The following SUPT7L variants were observed in gnomAD, a reference collection of about 807,000 sequenced individuals.
SUPT7L encodes STAGA complex 65 subunit gamma.
SUPT7L carries 15 observed loss-of-function variants against 35.7 expected under a neutral mutation model. That is an observed-to-expected ratio of 0.42 (90% CI 0.28 to 0.65). SUPT7L has a LOEUF of 0.65. Ranked by LOEUF, SUPT7L falls within the 30% of genes least tolerant of loss-of-function variation. The pLI is 0.23. For synonymous variants in SUPT7L, 168 were observed against 186.2 expected, an observed-to-expected ratio of 0.90 and a Z score of 0.79; for missense variants, 434 against 522.2, an observed-to-expected ratio of 0.83 and a Z score of 1.65.
intron 1 of SUPT7L, among the ~76,000 whole-genome samples, chr2:27,662,777 T>A: frequency 6.6e-6 from 1 of 152,110 alleles, no homozygotes; most frequent in East Asian, 1.9e-4. Context: ...AGACTTCACC[T>A]TTTTTGTTTG....
the SUPT7L span, among the ~76,000 whole-genome samples, chr2:27,644,052 T>C: frequency 6.6e-6 from 1 of 152,120 alleles, no homozygotes; most frequent in African/African-American, 2.4e-5. Context: ...TGGTCGTGCA[T>C]GTCTGTAATT....
At chr2:27,644,271 A>C in the SUPT7L span, among the ~76,000 whole-genome samples, 1 of 152,126 alleles carries the variant, frequency 6.6e-6, no homozygotes, top group African/African-American at 2.4e-5. Context: ...GAGACTATAA[A>C]TATCCTTTTA....
intron 3 of SUPT7L, among the ~76,000 whole-genome samples, chr2:27,659,670 A>G (rs1674959968): frequency 6.6e-6 from 1 of 152,240 alleles, no homozygotes; most frequent in Non-Finnish European, 1.5e-5. Flanking sequence ...TATTATGATT[A>G]TGCAGGAAAA....
At chr2:27,648,212 A>T (rs900507061), downstream of SUPT7L, among the ~76,000 whole-genome samples, 1 of 152,066 alleles carries the variant, frequency 6.6e-6, no homozygotes, top group African/African-American at 2.4e-5. Context: ...TGTTGTTATT[A>T]GTATTTTGTT....
At chr2:27,650,255 G>A (rs894969127), downstream of SUPT7L, 19 of 994,086 alleles carry the variant, frequency 1.9e-5, no homozygotes, top group African/African-American at 6.4e-5. Flanking sequence ...GGACCTCCAC[G>A]TGAAAGAACT....
Position 27,663,594 on chromosome 2 carries a change from T to C in SUPT7L, c.-355A>G. 1 of 655,824 alleles carries C rather than the reference T, an allele frequency of 1.5e-6. No homozygotes were observed. Among genetic ancestry groups the C allele is most frequent in the South Asian group, 1.9e-5 (1 of 52,152 alleles). The allele number at this position is 655,824 out of a possible 1,614,324, so 40.6% of individuals were successfully genotyped here. ...AAGGATCGCGTCAGACCCCGAAAGC[T>C]GGTTTGTTGATTAGTGATCTAAGAC... On this transcript the variant is annotated 5_prime_UTR_variant, in exon 1 of 6. Coordinates refer to ENST00000337768, the MANE Select transcript of SUPT7L (RefSeq NM_014860.3).
chr2:27,646,721 TCTC>T (rs539003814), downstream of SUPT7L, among the ~76,000 whole-genome samples: 23 of 152,328 alleles, frequency 1.5e-4, 1 homozygote, highest in South Asian at 4.8e-3. Context: ...TATTTTTTCT[TCTC>T]ATCAGCAACA....
Position 27,652,640 on chromosome 2 carries a change from G to A in SUPT7L, c.*845C>T, listed in dbSNP as rs1558496789. The A allele has an allele frequency of 6.5e-6, 1 of 152,940 alleles. No homozygotes were observed. The highest frequency in any genetic ancestry group is 1.9e-4 in the East Asian group (1 of 5,328). 9.5% of individuals were successfully genotyped at this position (152,940 alleles called of 1,614,324 possible). ...CTGCCTTTACAGTAGAAGCAGCAAA[G>A]TGTGCTTAATGGACTGCTGTCCTCT... On this transcript the variant is annotated 3_prime_UTR_variant, in exon 6 of 6. Transcript: ENST00000337768.
intron 4 of SUPT7L, 103 bp from the exon 5 acceptor site, chr2:27,655,705 AATTTTAAAAC>A: frequency 9.7e-7 from 1 of 1,025,746 alleles, no homozygotes; most frequent in East Asian, 2.4e-5. Context: ...TGAATAACAG[AATTTTAAAAC>A]ATTCACTGCC....
chr2:27,656,251 TA>T (rs1286964715), intron 4 of SUPT7L, among the ~76,000 whole-genome samples: 1 of 152,162 alleles, frequency 6.6e-6, no homozygotes, highest in Non-Finnish European at 1.5e-5. Flanking sequence ...TCTTGGGTGT[TA>T]AAAATTCCTA....
rs1248605574 is a variant in SUPT7L at position 27,657,737 on chromosome 2, G to C, written c.420-68C>G. 1 of 1,440,976 alleles carries C rather than the reference G, an allele frequency of 6.9e-7. No homozygotes were observed. Among genetic ancestry groups the C allele is most frequent in the East Asian group, 2.4e-5 (1 of 41,376 alleles). 89.3% of individuals were successfully genotyped at this position (1,440,976 alleles called of 1,614,324 possible). A position where few individuals can be genotyped will look rare whatever the true frequency, so the allele number is the denominator to read the frequency against. On this transcript the variant is annotated intron_variant, in intron 3 of 5. Coordinates refer to ENST00000337768, the MANE Select transcript of SUPT7L (RefSeq NM_014860.3). The surrounding 1 kb of genome is among the most constrained non-coding windows in gnomAD (Gnocchi z 5.2). Reference sequence around the variant, plus strand: ...GGGGTGACCCCTCCTGTCTTCCCCAGGAGTTTTACAATTCCAGTCAAGCCA... The same window carrying C: ...GGGGTGACCCCTCCTGTCTTCCCCACGAGTTTTACAATTCCAGTCAAGCCA...
the SUPT7L span, among the ~76,000 whole-genome samples, chr2:27,645,350 T>G: frequency 2.0e-5 from 3 of 152,224 alleles, no homozygotes; most frequent in Non-Finnish European, 4.4e-5. Context: ...TTTAATTATG[T>G]AATTATGTTT....
downstream of SUPT7L, chr2:27,647,816 G>C: frequency 7.0e-7 from 1 of 1,423,162 alleles, no homozygotes; most frequent in Non-Finnish European, 9.9e-7. Flanking sequence ...GCATATCACT[G>C]ATAGGTGTTT....
chr2:27,650,025 A>G (rs1031462284), downstream of SUPT7L: 3 of 754,032 alleles, frequency 4.0e-6, no homozygotes, highest in Non-Finnish European at 7.2e-6. Flanking sequence ...TCTTAGAAGT[A>G]ATGTACTGTT....
Position 27,657,337 on chromosome 2 carries a change from C to T in SUPT7L, c.744+8G>A, listed in dbSNP as rs758460809. 77 of 1,610,454 alleles carry T rather than the reference C, an allele frequency of 4.8e-5. No homozygotes were observed. In the East Asian group the frequency reaches 1.4e-3, roughly 29 times the overall value. On this transcript the variant is annotated splice_region_variant and intron_variant, in intron 4 of 5. Transcript: ENST00000337768. The surrounding 1 kb of genome is among the most constrained non-coding windows in gnomAD (Gnocchi z 5.2). ...ATCTGTGCCCACTTTTCAACAGGGT[C>T]GCCTCACCTGTAGCATGTAACTGTG...
Position 27,653,470 on chromosome 2 carries a change from C to A in SUPT7L, c.*15G>T. 1 of 1,609,766 alleles carries A rather than the reference C, an allele frequency of 6.2e-7. No individual in the cohort carries two copies. Among genetic ancestry groups the A allele is most frequent in the South Asian group, 1.1e-5 (1 of 90,986 alleles). On this transcript the variant is annotated 3_prime_UTR_variant, in exon 6 of 6. Coordinates refer to ENST00000337768, the MANE Select transcript of SUPT7L (RefSeq NM_014860.3). ...GGTCTAGTAGGTCTGGACAAAACAT[C>A]TCCCTCTTTTCCTTTTATATTTTCC...
downstream of SUPT7L, chr2:27,648,010 A>G (rs929806745): frequency 1.5e-5 from 13 of 891,992 alleles, no homozygotes; most frequent in Non-Finnish European, 2.2e-5. Flanking sequence ...TTTGCCCAGG[A>G]GTTTCTTGCT....
chr2:27,659,262 A>G (rs1674944072), intron 3 of SUPT7L, among the ~76,000 whole-genome samples: 1 of 152,224 alleles, frequency 6.6e-6, no homozygotes, highest in African/African-American at 2.4e-5. Context: ...ACCTGGCCCA[A>G]CTGCAATGCA....
At position 27,652,856 on chromosome 2, in the gene SUPT7L, T is replaced by G. The variant is rs1345344905; in HGVS notation, c.*629A>C. 6.6e-6 allele frequency: 1 copy of G among 152,666 alleles called. No individual in the cohort carries two copies. Among genetic ancestry groups the G allele is most frequent in the Non-Finnish European group, 1.5e-5 (1 of 68,284 alleles). The allele number at this position is 152,666 out of a possible 1,614,324, so 9.5% of individuals were successfully genotyped here. Reference sequence around the variant, plus strand: ...GATGGAGTAAGTCTAGAGAAGAAAATAAATGGATGAGATAGAGAGCTGTCT... The same window carrying G: ...GATGGAGTAAGTCTAGAGAAGAAAAGAAATGGATGAGATAGAGAGCTGTCT... On this transcript the variant is annotated 3_prime_UTR_variant, in exon 6 of 6. Coordinates refer to ENST00000337768, the MANE Select transcript of SUPT7L (RefSeq NM_014860.3).
Sources: allele counts gnomAD v4.1 joint callset (sites outside exome capture counted in the v4.1 genomes callset), GRCh38; gene constraint gnomAD v4.1.1; non-coding constraint Gnocchi (gnomAD v3.1); transcripts MANE v1.5; gene names NCBI Gene and HGNC (gene_info 2026-07-23, HGNC 2026-07-21).